Variants in C8orf34 observed in about 807,000 individuals in gnomAD.
The protein encoded by C8orf34 is uncharacterized protein C8orf34.
C8orf34 carries 65 observed loss-of-function variants against 68.3 expected under a neutral mutation model. The observed-to-expected ratio is 0.95, with a 90% CI of 0.78 to 1.17. The LOEUF is 1.17. Among genes scored for constraint, C8orf34 ranks in the 50% most tolerant of loss-of-function variants. The probability of loss-of-function intolerance (pLI) is 0.00; values close to 1 mark genes in which losing one functional copy is unlikely to be tolerated. For synonymous variants in C8orf34, 244 were observed against 241.2 expected (o/e 1.01, Z -0.11); for missense variants, 664 against 655.4 (o/e 1.01, Z -0.14).
intron 7 of C8orf34, chr8:68,535,258 A>G (rs1488769834): frequency 1.0e-6 from 1 of 979,578 alleles, no homozygotes; most frequent in Non-Finnish European, 1.2e-6. Context: ...TCATTGTAAG[A>G]TGCAATAGAG....
At chr8:68,746,941 T>C (rs1385680510) in intron 10 of C8orf34, among the ~76,000 whole-genome samples, 1 of 151,482 alleles carries the variant, frequency 6.6e-6, no homozygotes, top group African/African-American at 2.4e-5. Context: ...AAAAAGAGAA[T>C]TTTAGACCAA....
rs1242128072 is a variant in C8orf34 at position 68,466,765 on chromosome 8, A to ATATATATATATATATG, written c.608-1927_608-1926insTATATATATATATATG. Among the ~76,000 whole-genome samples the ATATATATATATATATG allele has an allele frequency of 7.5e-4, 92 of 123,348 alleles. 1 individual carries two copies. The highest frequency in any genetic ancestry group is 1.1e-3 in the African/African-American group (35 of 32,076). The allele number at this position is 123,348 out of a possible 152,430, so 80.9% of individuals were successfully genotyped here. A position where few individuals can be genotyped will look rare whatever the true frequency, so the allele number is the denominator to read the frequency against. ...TATATATATATATATATATATATATAGATGCTTTCATTTCTTTATGATGAC... is the reference window on the plus strand; with the variant it reads ...TATATATATATATATATATATATATATATATATATATATATGGATGCTTTCATTTCTTTATGATGAC... On this transcript the variant is annotated intron_variant, in intron 3 of 13. Coordinates refer to ENST00000518698, the MANE Select transcript of C8orf34 (RefSeq NM_052958.4).
intron 10 of C8orf34, among the ~76,000 whole-genome samples, chr8:68,744,935 G>C (rs1046626926): frequency 5.9e-5 from 9 of 152,126 alleles, no homozygotes; most frequent in African/African-American, 2.2e-4. Context: ...ATAATTGTCA[G>C]ATTCACCAAA....
chr8:68,651,086 G>A (rs534431986), intron 8 of C8orf34, among the ~76,000 whole-genome samples: 1 of 152,302 alleles, frequency 6.6e-6, no homozygotes, highest in East Asian at 1.9e-4. Flanking sequence ...TTTCTTTCTA[G>A]CTCCTCTATC....
intron 7 of C8orf34, among the ~76,000 whole-genome samples, chr8:68,571,999 T>G (rs928595571): frequency 1.3e-5 from 2 of 152,192 alleles, no homozygotes; most frequent in African/African-American, 4.8e-5. Context: ...CTACTGTGTA[T>G]GTAGGCTATA....
At chr8:68,509,326 C>G (rs1814161894) in intron 5 of C8orf34, among the ~76,000 whole-genome samples, 1 of 152,110 alleles carries the variant, frequency 6.6e-6, no homozygotes, top group Non-Finnish European at 1.5e-5. Flanking sequence ...AAGCATGTAT[C>G]AAAGCAAAAC....
chr8:68,410,414 A>G (rs1809395856), intron 1 of C8orf34, among the ~76,000 whole-genome samples: 1 of 152,238 alleles, frequency 6.6e-6, no homozygotes, highest in Admixed American at 6.5e-5. Flanking sequence ...TTTACATTGT[A>G]TTAGCCATTA....
At chr8:68,740,844 G>A (rs1269788103) in intron 10 of C8orf34, among the ~76,000 whole-genome samples, 3 of 152,124 alleles carry the variant, frequency 2.0e-5, no homozygotes, top group African/African-American at 4.8e-5. Context: ...GCCCACCAAC[G>A]GTAGACTGGA....
intron 8 of C8orf34, among the ~76,000 whole-genome samples, chr8:68,650,114 A>G (rs1819301574): frequency 1.3e-5 from 2 of 152,150 alleles, no homozygotes; most frequent in African/African-American, 4.8e-5. Flanking sequence ...GGGTTGTTCG[A>G]GTAAAATATT....
intron 1 of C8orf34, among the ~76,000 whole-genome samples, chr8:68,393,590 C>CAA (rs5892145): frequency 4.8e-4 from 73 of 151,154 alleles, no homozygotes; most frequent in Admixed American, 1.1e-3. Flanking sequence ...GACACCATGG[C>CAA]AAAAAAATAG....
intron 7 of C8orf34, among the ~76,000 whole-genome samples, chr8:68,626,676 C>T (rs1240383253): frequency 6.6e-6 from 1 of 152,142 alleles, no homozygotes; most frequent in East Asian, 1.9e-4. Flanking sequence ...GAGCAGTCAA[C>T]ACATTAATAA....
chr8:68,764,229 C>CT (rs1823105129), intron 10 of C8orf34, among the ~76,000 whole-genome samples: 1 of 152,306 alleles, frequency 6.6e-6, no homozygotes, highest in African/African-American at 2.4e-5. Flanking sequence ...CTGCTGCTTT[C>CT]TTTTTTCTGC....
intron 4 of C8orf34, among the ~76,000 whole-genome samples, chr8:68,484,508 C>T (rs941597664): frequency 2.0e-5 from 3 of 152,174 alleles, no homozygotes; most frequent in Non-Finnish European, 4.4e-5. Context: ...ATCTTCGCAA[C>T]CCACTTCATT....
At chr8:68,800,907 AT>A (rs1166346422) in intron 12 of C8orf34, among the ~76,000 whole-genome samples, 1 of 152,208 alleles carries the variant, frequency 6.6e-6, no homozygotes, top group East Asian at 1.9e-4. Flanking sequence ...AAAATAAAGA[AT>A]TCAGATTAGG....
chr8:68,576,592 T>C (rs1337901106), intron 7 of C8orf34, among the ~76,000 whole-genome samples: 1 of 148,764 alleles, frequency 6.7e-6, no homozygotes, highest in Non-Finnish European at 1.5e-5. Flanking sequence ...GATGGAATGA[T>C]ATATTAATGG....
intron 6 of C8orf34, among the ~76,000 whole-genome samples, chr8:68,523,898 T>G (rs1041467133): frequency 3.3e-5 from 5 of 152,148 alleles, no homozygotes; most frequent in African/African-American, 1.2e-4. Context: ...AAGAGAAAAC[T>G]TAATTTTCAA....
At chr8:68,760,544 G>A (rs1251619476) in intron 10 of C8orf34, among the ~76,000 whole-genome samples, 3 of 152,166 alleles carry the variant, frequency 2.0e-5, no homozygotes, top group Admixed American at 2.0e-4. Flanking sequence ...AAACCCTTGT[G>A]CCTACTTCTT....
intron 1 of C8orf34, among the ~76,000 whole-genome samples, chr8:68,379,341 G>A (rs1355903324): frequency 2.6e-5 from 4 of 152,156 alleles, no homozygotes; most frequent in Non-Finnish European, 5.9e-5. Flanking sequence ...GAATCAGGCC[G>A]TCTTCTGAAC....
chr8:68,770,693 T>C (rs2129528354), intron 10 of C8orf34, among the ~76,000 whole-genome samples: 2 of 152,320 alleles, frequency 1.3e-5, no homozygotes, highest in African/African-American at 4.8e-5. Flanking sequence ...CGGCTTTATT[T>C]TTTTTCAGCT....
Sources: allele counts gnomAD v4.1 joint callset (sites outside exome capture counted in the v4.1 genomes callset), GRCh38; gene constraint gnomAD v4.1.1; transcripts MANE v1.5; gene names NCBI Gene and HGNC (gene_info 2026-07-23, HGNC 2026-07-21).